RYR2: variants seen among roughly 807,000 people sequenced by gnomAD.
The protein encoded by RYR2 is cardiac muscle ryanodine receptor-calcium release channel.
Under a neutral mutation model 601.1 loss-of-function variants are expected in RYR2, and 227 were observed. That is an observed-to-expected ratio of 0.38 (90% confidence interval 0.34 to 0.42). RYR2 has a LOEUF of 0.42. RYR2 is among the 10% of genes least tolerant of loss of function. The pLI is 1.00. For missense variants in RYR2, 4,646 were observed against 6,156.5 expected (o/e 0.75, Z 8.21); for synonymous variants, 2,223 against 2,175.1 (o/e 1.02, Z -0.61).
At chr1:237,437,629 A>G (rs1055840364) in intron 12 of RYR2, among the ~76,000 whole-genome samples, 1 of 152,220 alleles carries the variant, frequency 6.6e-6, no homozygotes, top group Non-Finnish European at 1.5e-5. Context: ...AACAGTTTTA[A>G]CAAAGTGCCA....
intron 11 of RYR2, among the ~76,000 whole-genome samples, chr1:237,422,049 G>A (rs1324330109): frequency 4.6e-5 from 7 of 151,862 alleles, no homozygotes; most frequent in African/African-American, 1.7e-4. Context: ...GATATATATG[G>A]CCTGTCCTCA....
chr1:237,348,288 T>C (rs1698473510), intron 3 of RYR2, among the ~76,000 whole-genome samples: 1 of 152,172 alleles, frequency 6.6e-6, no homozygotes, highest in East Asian at 1.9e-4. Flanking sequence ...TTTCTGTTAT[T>C]AGCCTTTGGG....
intron 73 of RYR2, among the ~76,000 whole-genome samples, chr1:237,720,926 A>G (rs929318711): frequency 2.0e-5 from 3 of 152,200 alleles, no homozygotes; most frequent in Non-Finnish European, 4.4e-5. Context: ...AAGAGAGCAA[A>G]AAAGGAAACA....
intron 2 of RYR2, among the ~76,000 whole-genome samples, chr1:237,302,079 G>C (rs1244058901): frequency 6.6e-6 from 1 of 152,160 alleles, no homozygotes; most frequent in Non-Finnish European, 1.5e-5. Context: ...AATGAAATGT[G>C]AATGTGTAAA....
At chr1:237,325,636 C>T (rs991486960) in intron 2 of RYR2, among the ~76,000 whole-genome samples, 1 of 151,772 alleles carries the variant, frequency 6.6e-6, no homozygotes, top group Non-Finnish European at 1.5e-5. Context: ...TGCAGTGAGC[C>T]GAGATTGTAC....
intron 73 of RYR2, among the ~76,000 whole-genome samples, chr1:237,721,739 CA>C (rs957539200): frequency 6.6e-6 from 1 of 152,152 alleles, no homozygotes; most frequent in African/African-American, 2.4e-5. Context: ...AGGCTGGTCT[CA>C]AACTCCTGAC....
chr1:237,630,574 G>A (rs377419356), intron 41 of RYR2, among the ~76,000 whole-genome samples: 1 of 152,132 alleles, frequency 6.6e-6, no homozygotes, highest in East Asian at 1.9e-4. Flanking sequence ...TTGAAGAGAA[G>A]TTTCAATTTT....
intron 1 of RYR2, among the ~76,000 whole-genome samples, chr1:237,223,944 A>G (rs1425819760): frequency 6.6e-6 from 1 of 152,174 alleles, no homozygotes; most frequent in Admixed American, 6.5e-5. Context: ...ATTTTCCTAC[A>G]ATTTTGAAAT....
chr1:237,370,367 G>T (rs1160690994), intron 6 of RYR2, among the ~76,000 whole-genome samples: 1 of 151,732 alleles, frequency 6.6e-6, no homozygotes, highest in Non-Finnish European at 1.5e-5. Context: ...TTTTTTGTAT[G>T]TATTATATAC....
chr1:237,653,950 T>C (rs1397450510), intron 51 of RYR2, among the ~76,000 whole-genome samples: 3 of 152,170 alleles, frequency 2.0e-5, no homozygotes, highest in Non-Finnish European at 4.4e-5. Context: ...GGCAGCTGAT[T>C]AGATGGTGCC....
intron 1 of RYR2, among the ~76,000 whole-genome samples, chr1:237,208,936 G>GTA (rs56133827): frequency 5.9e-4 from 53 of 89,836 alleles, no homozygotes; most frequent in African/African-American, 1.6e-3. Flanking sequence ...ATGTGTGTGT[G>GTA]TATATATATA....
chr1:237,049,831 G>A (rs1199854041), intron 1 of RYR2, among the ~76,000 whole-genome samples: 1 of 152,144 alleles, frequency 6.6e-6, no homozygotes, highest in African/African-American at 2.4e-5. Flanking sequence ...TTTAGTAACT[G>A]AACTCCTAGT....
At chr1:237,174,655 C>T (rs1677812220) in intron 1 of RYR2, among the ~76,000 whole-genome samples, 1 of 152,162 alleles carries the variant, frequency 6.6e-6, no homozygotes. Flanking sequence ...TTGCCAATCT[C>T]ATGTTCTAAT....
chr1:237,782,957 C>G (rs761944680), intron 89 of RYR2, among the ~76,000 whole-genome samples: 18 of 152,158 alleles, frequency 1.2e-4, no homozygotes, highest in Non-Finnish European at 2.2e-4. Context: ...GGACCTCTGA[C>G]CAGCGACCTT....
At chr1:237,248,288 C>CCCG (rs1447057780) in intron 1 of RYR2, among the ~76,000 whole-genome samples, 13 of 90,418 alleles carry the variant, frequency 1.4e-4, no homozygotes, top group African/African-American at 5.8e-4. Flanking sequence ...CCCCGCCCCC[C>CCCG]CCCCCCCCCC....
intron 1 of RYR2, among the ~76,000 whole-genome samples, chr1:237,242,527 G>A (rs1686305905): frequency 1.3e-5 from 2 of 152,006 alleles, no homozygotes; most frequent in Non-Finnish European, 2.9e-5. Flanking sequence ...ATACTTTTGA[G>A]CCATAGGATA....
intron 44 of RYR2, among the ~76,000 whole-genome samples, chr1:237,637,273 A>G (rs866347085): frequency 1.3e-5 from 2 of 152,200 alleles, no homozygotes; most frequent in Non-Finnish European, 2.9e-5. Context: ...ATATAACTCA[A>G]TTTGCTTGAT....
intron 54 of RYR2, 64 bp from the exon 55 acceptor site, chr1:237,659,921 G>A: frequency 9.6e-7 from 1 of 1,039,896 alleles, no homozygotes; most frequent in Non-Finnish European, 1.4e-6. Flanking sequence ...TTAAACACCT[G>A]CATATCTACA....
At chr1:237,686,024 C>T (rs924322133) in intron 62 of RYR2, among the ~76,000 whole-genome samples, 3 of 152,176 alleles carry the variant, frequency 2.0e-5, no homozygotes, top group Non-Finnish European at 4.4e-5. Flanking sequence ...ACCTCACAAA[C>T]GTTACCTTCT....
Sources: allele counts gnomAD v4.1 joint callset (sites outside exome capture counted in the v4.1 genomes callset), GRCh38; gene constraint gnomAD v4.1.1; transcripts MANE v1.5; gene names NCBI Gene and HGNC (gene_info 2026-07-23, HGNC 2026-07-21).